The following MCC variants were observed in gnomAD, a reference collection of about 807,000 sequenced individuals.
The protein encoded by MCC is colorectal mutant cancer protein.
Under a neutral mutation model 116.2 loss-of-function variants are expected in MCC, and 90 were observed. The observed-to-expected ratio is 0.77, with a 90% confidence interval of 0.65 to 0.92. MCC has a LOEUF of 0.92. Among genes scored for constraint, MCC ranks in the 40% least tolerant of loss-of-function variants. The pLI, the probability that MCC is intolerant of heterozygous loss-of-function variation, is 0.00. For synonymous variants in MCC, 578 were observed against 510.5 expected (o/e 1.13, Z -1.78); for missense variants, 1,516 against 1,312.2 (o/e 1.16, Z -2.40).
rs2150202163 is a variant in MCC at position 113,023,755 on chromosome 5, TTGATATGTTATC to T, written c.*3535_*3546del. The T allele has an allele frequency of 6.6e-6, 1 of 152,370 alleles. No individual in the cohort carries two copies. Among genetic ancestry groups the T allele is most frequent in the South Asian group, 2.1e-4 (1 of 4,832 alleles). 9.4% of individuals were successfully genotyped at this position (152,370 alleles called of 1,614,324 possible). A position where few individuals can be genotyped will look rare whatever the true frequency, so the allele number is the denominator to read the frequency against. On this transcript the variant is annotated 3_prime_UTR_variant, in exon 19 of 19. Coordinates refer to ENST00000408903, the MANE Select transcript of MCC (RefSeq NM_001085377.2). ...AGATGTTTATTTTTTAATAGTCATCTTGATATGTTATCACTTTAAAGCTTGATAATCGAAACT... is the reference window on the plus strand; with the variant it reads ...AGATGTTTATTTTTTAATAGTCATCTACTTTAAAGCTTGATAATCGAAACT...
At chr5:113,133,770 C>T (rs1244657086) in intron 5 of MCC, among the ~76,000 whole-genome samples, 1 of 152,152 alleles carries the variant, frequency 6.6e-6, no homozygotes, top group Non-Finnish European at 1.5e-5. Context: ...CTCTTTCTTA[C>T]ATATCCTTGC....
intron 3 of MCC, among the ~76,000 whole-genome samples, chr5:113,208,124 C>A (rs566380096): frequency 6.6e-6 from 1 of 152,242 alleles, no homozygotes; most frequent in African/African-American, 2.4e-5. Flanking sequence ...ATGAGCCAAT[C>A]TGGATAAAGC....
rs745719752 is a variant in MCC at position 113,085,134 on chromosome 5, C to T, written c.1545+30G>A. 3.5e-5 allele frequency: 57 copies of T among 1,613,510 alleles called. 1 individual carries two copies. Among genetic ancestry groups the T allele is most frequent in the Admixed American group, 3.3e-4 (20 of 60,000 alleles). The stretch of plus-strand genomic sequence containing the variant: ...GCTTCCAGATAACAGGAGGTGTTCC[C>T]GCTCATCGGGTCCATCCCCAGGAAC... On this transcript the variant is annotated intron_variant, in intron 9 of 18. Coordinates refer to ENST00000408903, the MANE Select transcript of MCC (RefSeq NM_001085377.2).
intron 5 of MCC, among the ~76,000 whole-genome samples, chr5:113,138,634 T>C (rs756207590): frequency 6.6e-6 from 1 of 152,210 alleles, no homozygotes; most frequent in East Asian, 1.9e-4. Context: ...ACCTTGTCTA[T>C]GATATTGTGT....
intron 5 of MCC, among the ~76,000 whole-genome samples, chr5:113,130,846 G>A (rs1216412850): frequency 6.6e-6 from 1 of 152,174 alleles, no homozygotes; most frequent in African/African-American, 2.4e-5. Context: ...AGAACTGTGA[G>A]CCAAATAAAC....
intron 2 of MCC, among the ~76,000 whole-genome samples, chr5:113,368,564 T>C (rs1223708946): frequency 2.6e-5 from 4 of 152,226 alleles, no homozygotes; most frequent in Non-Finnish European, 5.9e-5. Flanking sequence ...TAATCTTTAT[T>C]TCTTATTTTT....
intron 16 of MCC, among the ~76,000 whole-genome samples, chr5:113,047,387 T>C (rs1476176408): frequency 6.6e-6 from 1 of 152,210 alleles, no homozygotes; most frequent in African/African-American, 2.4e-5. Context: ...GCCAGGGTCT[T>C]GGGAGGGCTG....
intron 8 of MCC, among the ~76,000 whole-genome samples, chr5:113,098,899 T>C (rs1201775593): frequency 1.3e-5 from 2 of 152,224 alleles, no homozygotes; most frequent in Non-Finnish European, 2.9e-5. Flanking sequence ...CAAACCAGCC[T>C]TGTACTCTGT....
intron 3 of MCC, among the ~76,000 whole-genome samples, chr5:113,338,561 C>G (rs1722833029): frequency 6.6e-6 from 1 of 152,220 alleles, no homozygotes; most frequent in Non-Finnish European, 1.5e-5. Context: ...GGCCATGAAC[C>G]TGGAACCCTC....
chr5:113,428,774 A>G (rs1385724466), intron 1 of MCC: 1 of 152,226 alleles, frequency 6.6e-6, no homozygotes. Flanking sequence ...GACTTTCTGT[A>G]AAGAAGTAAG....
intron 3 of MCC, among the ~76,000 whole-genome samples, chr5:113,257,037 G>A (rs1765032450): frequency 6.6e-6 from 1 of 152,078 alleles, no homozygotes; most frequent in Non-Finnish European, 1.5e-5. Context: ...ATTACATCTC[G>A]TTGCACCAAG....
chr5:113,440,509 C>A (rs976826597), intron 1 of MCC, among the ~76,000 whole-genome samples: 1 of 151,780 alleles, frequency 6.6e-6, no homozygotes. Flanking sequence ...TCTTTGGATT[C>A]TCAATGCACA....
chr5:113,303,386 G>T (rs1254147095), intron 3 of MCC, among the ~76,000 whole-genome samples: 1 of 152,140 alleles, frequency 6.6e-6, no homozygotes, highest in African/African-American at 2.4e-5. Flanking sequence ...AACTTTAATT[G>T]CAGCTTACAG....
At chr5:113,462,550 A>G (rs1771772158) in intron 1 of MCC, among the ~76,000 whole-genome samples, 1 of 152,196 alleles carries the variant, frequency 6.6e-6, no homozygotes, top group Admixed American at 6.6e-5. Context: ...GGCATGCACA[A>G]AGGACAGAGG....
At chr5:113,261,136 C>T (rs1383834674) in intron 3 of MCC, among the ~76,000 whole-genome samples, 1 of 152,144 alleles carries the variant, frequency 6.6e-6, no homozygotes, top group Non-Finnish European at 1.5e-5. Flanking sequence ...ATTTAATACA[C>T]CTAACTTGCT....
chr5:113,202,787 TA>T (rs11387012), intron 3 of MCC, among the ~76,000 whole-genome samples: 135 of 139,804 alleles, frequency 9.7e-4, no homozygotes, highest in Middle Eastern at 3.7e-3. Context: ...GCCCTTTATT[TA>T]AAAAAAAAAA....
intron 17 of MCC, among the ~76,000 whole-genome samples, chr5:113,033,173 T>C (rs1661323495): frequency 6.6e-6 from 1 of 152,228 alleles, no homozygotes; most frequent in African/African-American, 2.4e-5. Context: ...CATTACCAGA[T>C]ATTTTCCCTG....
rs544955348 is a variant in MCC, at chr5:113,151,274, C to T, written c.741+35G>A. The T allele has an allele frequency of 3.0e-6, 4 of 1,332,780 alleles. No individual in the cohort carries two copies. In the East Asian group the frequency reaches 7.0e-5, roughly 23 times the overall value. The allele number at this position is 1,332,780 out of a possible 1,614,324, so 82.6% of individuals were successfully genotyped here. On this transcript the variant is annotated intron_variant, in intron 4 of 18. Coordinates refer to ENST00000408903, the MANE Select transcript of MCC (RefSeq NM_001085377.2). The stretch of plus-strand genomic sequence containing the variant: ...AAGATTAAATATTTAAAACAAAAAA[C>T]AAAAGCAAACTAAAAACCTTTCCAG...
intron 3 of MCC, among the ~76,000 whole-genome samples, chr5:113,206,225 C>T (rs1353547800): frequency 1.3e-5 from 2 of 152,180 alleles, no homozygotes; most frequent in Non-Finnish European, 2.9e-5. Flanking sequence ...TTACTGAGTG[C>T]CCTGGTCCTC....
Sources: gnomAD v4.1 joint callset for allele counts (sites outside exome capture counted in the v4.1 genomes callset) on GRCh38, gnomAD v4.1.1 for gene constraint, MANE v1.5 for transcripts, NCBI Gene and HGNC (gene_info 2026-07-23, HGNC 2026-07-21) for gene names.